The following ZNF217 variants were observed in gnomAD, a reference collection of about 807,000 sequenced individuals.
The protein encoded by ZNF217 is zinc finger protein 217.
Under a neutral mutation model 73.3 loss-of-function variants are expected in ZNF217, and 12 were observed. The ratio of observed to expected loss-of-function variants is 0.16; its 90% CI spans 0.10 to 0.27. The LOEUF is 0.27. ZNF217 is among the 10% of genes least tolerant of loss of function. The pLI is 1.00. For missense variants in ZNF217, 1,195 were observed against 1,327.8 expected (o/e 0.90, Z 1.55); for synonymous variants, 588 against 516.4 (o/e 1.14, Z -1.88).
chr20:53,576,204 T>C lies in ZNF217; in HGVS notation c.2560A>G (p.Thr854Ala), dbSNP rs1312247309. 1.2e-6 allele frequency: 2 copies of C among 1,614,124 alleles called. No individual in the cohort carries two copies. The highest frequency in any genetic ancestry group is 8.5e-7 in the Non-Finnish European group (1 of 1,180,052). Residue 854 changes from threonine to alanine, a missense_variant, in exon 4 of 6, where the codon ACA becomes GCA. Transcript: ENST00000371471. ...KTSVSPAPDK[T>A]KRPETKLKPL... Reference sequence around the variant, plus strand: ...TTCAATTTTGTCTCGGGTCTTTTTGTCTTATCCGGTGCAGGGGAAACACTG... The same window carrying C: ...TTCAATTTTGTCTCGGGTCTTTTTGCCTTATCCGGTGCAGGGGAAACACTG...
chr20:53,594,737 C>T (rs1346487888), upstream of ZNF217, among the ~76,000 whole-genome samples: 1 of 152,124 alleles, frequency 6.6e-6, no homozygotes, highest in Non-Finnish European at 1.5e-5. Flanking sequence ...GGGGAGGGGC[C>T]CGCGGCCCGA....
chr20:53,571,877 T>G, intron 4 of ZNF217, 24 bp from the exon 5 acceptor site: 1 of 1,583,904 alleles, frequency 6.3e-7, no homozygotes, highest in South Asian at 1.2e-5. Flanking sequence ...AAAACATATT[T>G]AGAGTTAAGG....
intron 5 of ZNF217, among the ~76,000 whole-genome samples, chr20:53,570,042 A>AC (rs1368869432): frequency 1.3e-5 from 2 of 152,204 alleles, no homozygotes; most frequent in East Asian, 3.9e-4. Context: ...TGAAGGAAAC[A>AC]CAAGCAGAGA....
chr20:53,582,982 G>A lies in ZNF217; in HGVS notation c.-156C>T, dbSNP rs902488494. ...AAGTGTATAGTCCTCTAACTTCTTC[G>A]AACTTTTAGGAAGCTCAGTGATGGT... On this transcript the variant is annotated 5_prime_UTR_variant, in exon 2 of 6. It introduces an in-frame stop codon into an upstream open reading frame of the 5' UTR. Transcript: ENST00000371471. The surrounding 1 kb of genome is among the most constrained non-coding windows in gnomAD (Gnocchi z 4.8). 4 of 720,164 alleles carry A rather than the reference G, an allele frequency of 5.6e-6. No individual in the cohort carries two copies. Among genetic ancestry groups the A allele is most frequent in the Admixed American group, 3.3e-5 (1 of 30,376 alleles). The allele number at this position is 720,164 out of a possible 1,614,324, so 44.6% of individuals were successfully genotyped here. A position where few individuals can be genotyped will look rare whatever the true frequency, so the allele number is the denominator to read the frequency against.
intron 1 of ZNF217, among the ~76,000 whole-genome samples, chr20:53,585,434 C>T (rs1460533356): frequency 2.0e-5 from 3 of 152,112 alleles, no homozygotes; most frequent in East Asian, 1.9e-4. Flanking sequence ...GTAATACACA[C>T]CTGTAATCCC....
chr20:53,573,455 T>TTATC (rs1484562647), intron 4 of ZNF217, among the ~76,000 whole-genome samples: 1 of 151,198 alleles, frequency 6.6e-6, no homozygotes, highest in East Asian at 2.0e-4. Context: ...TACTTACTTA[T>TTATC]TATTTATTTA....
chr20:53,582,832 C>T lies in ZNF217; in HGVS notation c.-6G>A. The T allele has an allele frequency of 6.3e-7, 1 of 1,582,710 alleles. No homozygotes were observed. Among genetic ancestry groups the T allele is most frequent in the East Asian group, 2.2e-5 (1 of 44,516 alleles). On this transcript the variant is annotated 5_prime_UTR_variant, in exon 2 of 6. Coordinates refer to ENST00000371471, the MANE Select transcript of ZNF217 (RefSeq NM_006526.3). The surrounding 1 kb of genome is among the most constrained non-coding windows in gnomAD (Gnocchi z 4.8). ...CCTGTCACTTTCGATTGCATATAAT[C>T]TCAAAGTTCCGTTGGGCAATTTCTG...
chr20:53,587,322 G>A (rs1988731117), intron 1 of ZNF217, among the ~76,000 whole-genome samples: 1 of 152,196 alleles, frequency 6.6e-6, no homozygotes, highest in African/African-American at 2.4e-5. Context: ...CTTGAAATCA[G>A]CAAATAGGAC....
Position 53,576,108 on chromosome 20 carries a change from CGGG to C in ZNF217, c.2653_2655del (p.Pro885del). 1 of 1,614,142 alleles carries C rather than the reference CGGG, an allele frequency of 6.2e-7. No individual in the cohort carries two copies. The highest frequency in any genetic ancestry group is 8.5e-7 in the Non-Finnish European group (1 of 1,180,032). ...GGTGCCCACGGGCTGTCGTTCTTGG[CGGG>C]GTAGTCGATGGAACCATTGATGTTA... is the stretch of plus-strand genomic sequence containing the variant. On this transcript the variant is annotated inframe_deletion, in exon 4 of 6. Transcript: ENST00000371471.
At chr20:53,578,750 T>C (rs981268592) in intron 2 of ZNF217, among the ~76,000 whole-genome samples, 3 of 152,334 alleles carry the variant, frequency 2.0e-5, no homozygotes, top group African/African-American at 7.2e-5. Flanking sequence ...ATAGACTGAA[T>C]TGCCCGGGCA....
At chr20:53,592,000 C>A (rs1988890857) in intron 1 of ZNF217, among the ~76,000 whole-genome samples, 1 of 152,220 alleles carries the variant, frequency 6.6e-6, no homozygotes, top group African/African-American at 2.4e-5. Flanking sequence ...GCCTGGACGG[C>A]AGCTGTTGCT....
chr20:53,596,998 T>G (rs1989051259), upstream of ZNF217, among the ~76,000 whole-genome samples: 1 of 149,718 alleles, frequency 6.7e-6, no homozygotes. Context: ...TTAATCCTAG[T>G]GATATAAGGC....
At chr20:53,596,429 G>C (rs1219223290), upstream of ZNF217, among the ~76,000 whole-genome samples, 1 of 152,184 alleles carries the variant, frequency 6.6e-6, no homozygotes, top group Non-Finnish European at 1.5e-5. Context: ...AATTCTGCCA[G>C]TGACTGACTG....
chr20:53,583,828 C>T (rs1159852693), intron 1 of ZNF217, among the ~76,000 whole-genome samples: 2 of 152,256 alleles, frequency 1.3e-5, no homozygotes, highest in Non-Finnish European at 2.9e-5. Flanking sequence ...ACTGGATATT[C>T]GAAACCTCAA....
chr20:53,575,893 C>T lies in ZNF217; in HGVS notation c.2871G>A (p.Gln957=). Residue 957 remains glutamine, a synonymous_variant, in exon 4 of 6, where the codon CAG becomes CAA. Coordinates refer to ENST00000371471, the MANE Select transcript of ZNF217 (RefSeq NM_006526.3). ...MVRGITSLLP[Q]DCVYPSQALP... is the part of the protein sequence containing the mutation. ...GCGCCTGCGACGGATACACACAGTC[C>T]TGCGGTAACAGTGATGTGATGCCTC... is the stretch of plus-strand genomic sequence containing the variant. 6.2e-7 allele frequency: 1 copy of T among 1,614,208 alleles called. No homozygotes were observed. Among genetic ancestry groups the T allele is most frequent in the East Asian group, 2.2e-5 (1 of 44,884 alleles).
rs757482665 is a variant in ZNF217, at chr20:53,575,964, C to A, written c.2800G>T (p.Ala934Ser). The A allele has an allele frequency of 3.7e-6, 6 of 1,614,178 alleles. No homozygotes were observed. The highest frequency in any genetic ancestry group is 5.1e-6 in the Non-Finnish European group (6 of 1,180,034). Residue 934 changes from alanine (A) to serine (S), a missense_variant, in exon 4 of 6, where the codon GCC (alanine) becomes TCC (serine). Around this residue, in one of 9 missense-constraint regions of ZNF217, gnomAD observed 649 missense variants for 642.8 expected, o/e 1.01. Coordinates refer to ENST00000371471, the MANE Select transcript of ZNF217 (RefSeq NM_006526.3). ...VVALDVDQPG[A>S]NYRRGYDLPK... ...AGGTCATAGCCTCTTCTGTAATTGG[C>A]CCCGGGCTGGTCAACGTCAAGGGCA...
chr20:53,582,081 G>C lies in ZNF217; in HGVS notation c.746C>G (p.Ala249Gly). 1.2e-6 allele frequency: 2 copies of C among 1,614,202 alleles called. No homozygotes were observed. Among genetic ancestry groups the C allele is most frequent in the Non-Finnish European group, 1.7e-6 (2 of 1,180,038 alleles). Residue 249 changes from alanine (A) to glycine (G), a missense_variant, in exon 2 of 6, where the codon GCG becomes GGG. By Grantham distance (60) the Ala-to-Gly change is moderately conservative (BLOSUM62 0). Coordinates refer to ENST00000371471, the MANE Select transcript of ZNF217 (RefSeq NM_006526.3). The surrounding 1 kb of genome is among the most constrained non-coding windows in gnomAD (Gnocchi z 4.8). ...TKKTAFGTSS[A>G]QTDSPQGGMP... is the part of the protein sequence containing the mutation. The stretch of plus-strand genomic sequence containing the variant: ...TCCTCCTTGTGGAGAGTCTGTCTGC[G>C]CGCTGCTGGTACCGAAAGCAGTTTT...
chr20:53,593,764 C>G lies in ZNF217; in HGVS notation c.-351G>C, dbSNP rs1297696569. On this transcript the variant is annotated 5_prime_UTR_variant, in exon 1 of 6. Coordinates refer to ENST00000371471, the MANE Select transcript of ZNF217 (RefSeq NM_006526.3). ...GGGCGCGCCCCCTTTACCTGCGGCTCCGGCTCCTCGGCCATTTCCTCGCGC... is the reference window on the plus strand; with the variant it reads ...GGGCGCGCCCCCTTTACCTGCGGCTGCGGCTCCTCGGCCATTTCCTCGCGC... 1 of 150,930 alleles carries G rather than the reference C, an allele frequency of 6.6e-6. No individual in the cohort carries two copies. Among genetic ancestry groups the G allele is most frequent in the Non-Finnish European group, 1.5e-5 (1 of 67,648 alleles). The allele number at this position is 150,930 out of a possible 1,614,324, so 9.3% of individuals were successfully genotyped here.
At chr20:53,591,312 G>A (rs1238857622) in intron 1 of ZNF217, among the ~76,000 whole-genome samples, 2 of 152,216 alleles carry the variant, frequency 1.3e-5, no homozygotes, top group Admixed American at 1.3e-4. Flanking sequence ...AAAAAAGTGT[G>A]TGTCCTTCAC....
Sources: gnomAD v4.1 joint callset for allele counts (sites outside exome capture counted in the v4.1 genomes callset) on GRCh38, gnomAD v4.1.1 for gene constraint, gnomAD v4.1.1 regional missense constraint, Gnocchi (gnomAD v3.1) non-coding constraint, MANE v1.5 for transcripts, NCBI Gene and HGNC (gene_info 2026-07-23, HGNC 2026-07-21) for gene names.